The following EIF2B3 variants were observed in gnomAD, a reference collection of about 807,000 sequenced individuals.
The protein encoded by EIF2B3 is translation initiation factor eIF2B subunit gamma.
Under a neutral mutation model 54.1 loss-of-function variants are expected in EIF2B3, and 20 were observed. The observed-to-expected ratio is 0.37, with a 90% confidence interval of 0.26 to 0.54. The LOEUF is 0.54. Among genes scored for constraint, EIF2B3 ranks in the 20% least tolerant of loss-of-function variants. The probability of loss-of-function intolerance (pLI) is 0.86; values close to 1 mark genes in which losing one functional copy is unlikely to be tolerated. For missense variants in EIF2B3, 448 were observed against 547.8 expected, an observed-to-expected ratio of 0.82 and a Z score of 1.82; for synonymous variants, 153 against 188.1, an observed-to-expected ratio of 0.81 and a Z score of 1.52.
intron 1 of EIF2B3, among the ~76,000 whole-genome samples, chr1:44,981,969 A>G (rs1478157675): frequency 6.6e-6 from 1 of 151,176 alleles, no homozygotes; most frequent in Non-Finnish European, 1.5e-5. Context: ...AAAGAGAGAA[A>G]AAAGAAAATA....
At chr1:44,919,603 T>A (rs1643694945) in intron 5 of EIF2B3, among the ~76,000 whole-genome samples, 1 of 152,168 alleles carries the variant, frequency 6.6e-6, no homozygotes, top group Non-Finnish European at 1.5e-5. Flanking sequence ...TCCCAAGTTT[T>A]CTGACCTATT....
chr1:44,961,557 TGTA>T (rs2148954475), intron 3 of EIF2B3, among the ~76,000 whole-genome samples: 1 of 152,210 alleles, frequency 6.6e-6, no homozygotes, highest in South Asian at 2.1e-4. Context: ...GGTGTGTGCC[TGTA>T]TTCCCAGCTA....
chr1:44,907,235 C>A (rs559285522), intron 5 of EIF2B3, among the ~76,000 whole-genome samples: 2 of 152,320 alleles, frequency 1.3e-5, no homozygotes, highest in African/African-American at 4.8e-5. Context: ...CTTTCGAAGG[C>A]AAATTTGATT....
At chr1:44,904,991 C>T (rs747832038) in intron 5 of EIF2B3, among the ~76,000 whole-genome samples, 2 of 152,198 alleles carry the variant, frequency 1.3e-5, no homozygotes, top group Non-Finnish European at 2.9e-5. Flanking sequence ...ATGGCTACTA[C>T]TTACTAGCTA....
chr1:44,917,728 A>AGTATT (rs1643652145), intron 5 of EIF2B3, among the ~76,000 whole-genome samples: 1 of 85,728 alleles, frequency 1.2e-5, no homozygotes, highest in Admixed American at 1.2e-4. Context: ...AGATCCACTT[A>AGTATT]GTATTTATTT....
intron 4 of EIF2B3, chr1:44,940,845 T>C (rs896495829): frequency 6.6e-6 from 1 of 152,256 alleles, no homozygotes; most frequent in Admixed American, 6.6e-5. Context: ...ACTGAAGCAT[T>C]GAAAGAACCA....
chr1:44,951,843 AGTG>A (rs1644164812), intron 3 of EIF2B3, among the ~76,000 whole-genome samples: 2 of 147,432 alleles, frequency 1.4e-5, no homozygotes, highest in Admixed American at 1.4e-4. Flanking sequence ...GCTGGAGTGC[AGTG>A]GCTCAATCTC....
chr1:44,875,568 G>T (rs926485690), intron 9 of EIF2B3, 50 bp downstream of exon 9: 5 of 1,574,796 alleles, frequency 3.2e-6, no homozygotes, highest in Non-Finnish European at 4.4e-6. Context: ...AACAAGTCTC[G>T]ATGCTCCCAA....
chr1:44,958,730 G>C, intron 3 of EIF2B3: 1 of 1,586,882 alleles, frequency 6.3e-7, no homozygotes, highest in Non-Finnish European at 8.7e-7. Flanking sequence ...TTTCTGGAAA[G>C]CTAGATATTG....
rs183424117 is a variant in EIF2B3, at chr1:44,873,794, C to T, written c.1202+884G>A. Among the ~76,000 whole-genome samples, 935 of 150,620 alleles carry T rather than the reference C, an allele frequency of 6.2e-3. 8 individuals are homozygous for T. The highest frequency in any genetic ancestry group is 9.0e-3 in the Non-Finnish European group (609 of 67,440). On this transcript the variant is annotated intron_variant, in intron 10 of 11. Coordinates refer to ENST00000360403, the MANE Select transcript of EIF2B3 (RefSeq NM_020365.5). ...TAGCTGGGACTACAGGTGCACACCA[C>T]CACACCTGGCTAATTTTTTTTTTTT...
chr1:44,933,907 G>C (rs1031398759), intron 4 of EIF2B3, among the ~76,000 whole-genome samples: 5 of 151,928 alleles, frequency 3.3e-5, no homozygotes, highest in Admixed American at 2.0e-4. Flanking sequence ...AAGATCACCT[G>C]AGGTTGGGAG....
intron 5 of EIF2B3, among the ~76,000 whole-genome samples, chr1:44,900,686 G>A (rs1202336454): frequency 6.6e-6 from 1 of 151,744 alleles, no homozygotes; most frequent in Non-Finnish European, 1.5e-5. Context: ...TCACATCTCA[G>A]GCAATCATTA....
intron 6 of EIF2B3, among the ~76,000 whole-genome samples, chr1:44,889,287 G>A (rs1006104222): frequency 4.6e-5 from 7 of 152,192 alleles, no homozygotes; most frequent in African/African-American, 1.7e-4. Context: ...TGTAATCCCA[G>A]CACTGTGGGA....
chr1:44,978,621 CTTTTTT>C (rs57964686), intron 2 of EIF2B3, among the ~76,000 whole-genome samples, 161 bp from the exon 3 acceptor site: 1 of 76,634 alleles, frequency 1.3e-5, no homozygotes, highest in Non-Finnish European at 2.3e-5. Context: ...CCAATAAATT[CTTTTTT>C]TTTTTTTTTT....
In EIF2B3 at chr1:44,871,178, GTTT is replaced by G. The variant is rs989547323; in HGVS notation, c.1202+3497_1202+3499del. On this transcript the variant is annotated intron_variant, in intron 10 of 11. Transcript: ENST00000360403. ...ATCTCATTGCTCAAGCAACAAATCT[GTTT>G]TTTTCCTTAATTTCTCTTTGACCTC... Among the ~76,000 whole-genome samples, 279 of 152,248 alleles carry G rather than the reference GTTT, an allele frequency of 1.8e-3. 1 individual carries two copies. The highest frequency in any genetic ancestry group is 6.6e-3 in the African/African-American group (273 of 41,540).
At chr1:44,897,737 CTTTTTTT>C (rs36113373) in intron 5 of EIF2B3, among the ~76,000 whole-genome samples, 2 of 134,464 alleles carry the variant, frequency 1.5e-5, no homozygotes, top group Non-Finnish European at 3.2e-5. Context: ...TGATCGTTAA[CTTTTTTT>C]TTTTTTTTTT....
rs1654729234 is a variant in EIF2B3, at chr1:44,865,187, A to G, written c.1203-7380T>C. On this transcript the variant is annotated intron_variant, in intron 10 of 11. Transcript: ENST00000360403. ...TGAGCTGAAATTGTCACTGCACTCC[A>G]GCCTGGGCAACAGAGCGAGACTCCA... 1.3e-5 allele frequency among the ~76,000 whole-genome samples: 2 copies of G among 151,502 alleles called. 1 individual carries two copies. Among genetic ancestry groups the G allele is most frequent in the South Asian group, 4.2e-4 (2 of 4,804 alleles).
intron 10 of EIF2B3, among the ~76,000 whole-genome samples, chr1:44,861,678 G>T (rs1654612294): frequency 6.6e-6 from 1 of 152,202 alleles, no homozygotes; most frequent in Non-Finnish European, 1.5e-5. Context: ...TCATCCAGTT[G>T]ATGTGTAGCT....
chr1:44,913,496 T>C (rs1012448204), intron 5 of EIF2B3, among the ~76,000 whole-genome samples: 3 of 141,980 alleles, frequency 2.1e-5, no homozygotes, highest in African/African-American at 8.5e-5. Flanking sequence ...TTGCCTGTTT[T>C]AATGGAAAAA....
Sources: gnomAD v4.1 joint callset for allele counts (sites outside exome capture counted in the v4.1 genomes callset) on GRCh38, gnomAD v4.1.1 for gene constraint, MANE v1.5 for transcripts, NCBI Gene and HGNC (gene_info 2026-07-23, HGNC 2026-07-21) for gene names.